Variants in NOMO2 observed in about 807,000 individuals in gnomAD.
The protein encoded by NOMO2 is BOS complex subunit NOMO2.
NOMO2 carries 14 observed loss-of-function variants against 67.1 expected under a neutral mutation model. The ratio of observed to expected loss-of-function variants is 0.21; its 90% CI spans 0.14 to 0.33. The LOEUF (loss-of-function observed/expected upper bound fraction) is 0.33. Among genes scored for constraint, NOMO2 ranks in the 10% least tolerant of loss-of-function variants. NOMO2 has a pLI of 1.00. For synonymous variants in NOMO2, 80 were observed against 305.9 expected, an observed-to-expected ratio of 0.26 and a Z score of 7.71; for missense variants, 178 against 761.0, an observed-to-expected ratio of 0.23 and a Z score of 9.01.
Position 18,538,553 on chromosome 16 carries a change from G to GGTGT in NOMO2, c.1189_1192dup (p.Pro398HisfsTer6), listed in dbSNP as rs1368013157. Reference sequence around the variant, plus strand: ...TGTTGCAACAATGTCAGCCAGCTGAGGTGTGTTCGGTGCAATTTTGATGGT... The same window carrying GGTGT: ...TGTTGCAACAATGTCAGCCAGCTGAGGTGTGTGTGTTCGGTGCAATTTTGATGGT... On this transcript the variant is annotated frameshift_variant, in exon 11 of 31. Transcript: ENST00000622306. LOFTEE classifies it high-confidence loss of function. 9 of 1,613,474 alleles carry GGTGT rather than the reference G, an allele frequency of 5.6e-6. No individual in the cohort carries two copies. The highest frequency in any genetic ancestry group is 6.8e-6 in the Non-Finnish European group (8 of 1,179,756).
intron 11 of NOMO2, chr16:18,533,818 A>C (rs1247973376): frequency 6.6e-6 from 1 of 152,324 alleles, no homozygotes; most frequent in African/African-American, 2.4e-5. Context: ...CAGATTTGAG[A>C]TTCTAAATAA....
At chr16:18,528,711 C>CT (rs1316753990) in intron 15 of NOMO2, among the ~76,000 whole-genome samples, 2 of 151,472 alleles carry the variant, frequency 1.3e-5, no homozygotes, top group Non-Finnish European at 2.9e-5. Context: ...TCCTAGCACT[C>CT]TGCGAGGCCA....
At chr16:18,547,637 G>T (rs1901682648) in intron 5 of NOMO2, among the ~76,000 whole-genome samples, 1 of 151,882 alleles carries the variant, frequency 6.6e-6, no homozygotes, top group Admixed American at 6.6e-5. Flanking sequence ...GTTTGACAGA[G>T]GTGACAGGCA....
chr16:18,557,073 G>A (rs1901923664), intron 2 of NOMO2, among the ~76,000 whole-genome samples: 1 of 151,872 alleles, frequency 6.6e-6, no homozygotes, highest in African/African-American at 2.4e-5. Context: ...GTTGGAGTGA[G>A]GCAAGATCAC....
intron 1 of NOMO2, among the ~76,000 whole-genome samples, chr16:18,560,750 G>A (rs1902019801): frequency 1.3e-5 from 2 of 151,706 alleles, no homozygotes; most frequent in South Asian, 4.2e-4. Context: ...TAGAGCAAGG[G>A]CAGGTCGCAG....
Position 18,528,992 on chromosome 16 carries a change from CATATATATATATATATATATATAT to C in NOMO2, c.1806+485_1806+508del, listed in dbSNP as rs60355905. ...CAAAAAAAAAAAAAAAAAAAAAATA[CATATATATATATATATATATATAT>C]ATATATATATATATATATATATATA... On this transcript the variant is annotated intron_variant, in intron 15 of 30. Transcript: ENST00000622306. 2.3e-3 allele frequency among the ~76,000 whole-genome samples: 28 copies of C among 12,318 alleles called. 2 individuals are homozygous for C. Among genetic ancestry groups the C allele is most frequent in the African/African-American group, 7.1e-3 (26 of 3,686 alleles). 8.1% of individuals were successfully genotyped at this position (12,318 alleles called of 152,430 possible). A position where few individuals can be genotyped will look rare whatever the true frequency, so the allele number is the denominator to read the frequency against.
rs765321940 is a variant in NOMO2, at chr16:18,533,171, A to C, written c.1229T>G (p.Val410Gly). 1 of 1,611,442 alleles carries C rather than the reference A, an allele frequency of 6.2e-7. No homozygotes were observed. The highest frequency in any genetic ancestry group is 8.5e-7 in the Non-Finnish European group (1 of 1,179,730). ...GCGAATGATTGATATCCGACCACAG[A>C]CACTGAACCTGCAAAGAGAAGACCA... ...LADIVATGFS[V>G]CGRISIIRFP... The change falls in exon 12 of 31, where the codon GTC (valine) becomes GGC (glycine). Residue 410 changes from valine to glycine, a missense_variant. Val to Gly is a moderately radical substitution (Grantham distance 109, BLOSUM62 -3). Coordinates refer to ENST00000622306, the MANE Select transcript of NOMO2 (RefSeq NM_173614.4).
At chr16:18,529,828 C>T (rs1374000004) in intron 14 of NOMO2, among the ~76,000 whole-genome samples, 191 bp from the exon 15 acceptor site, 1 of 150,922 alleles carries the variant, frequency 6.6e-6, no homozygotes, top group Admixed American at 6.6e-5. Context: ...CTAAAGAAAA[C>T]CTGGAGTCGA....
intron 3 of NOMO2, among the ~76,000 whole-genome samples, chr16:18,554,047 T>G (rs1366418370): frequency 6.6e-6 from 1 of 151,212 alleles, no homozygotes; most frequent in Non-Finnish European, 1.5e-5. Flanking sequence ...TCTTCAAAAA[T>G]GTAAACTACA....
intron 15 of NOMO2, among the ~76,000 whole-genome samples, chr16:18,528,935 T>C (rs1476114672): frequency 8.5e-6 from 1 of 118,206 alleles, no homozygotes; most frequent in Non-Finnish European, 1.7e-5. Context: ...GCCACTGCAC[T>C]CCAGCCTGGG....
At chr16:18,529,387 C>G (rs763234902) in intron 15 of NOMO2, 114 bp downstream of exon 15, 15 of 1,608,134 alleles carry the variant, frequency 9.3e-6, no homozygotes, top group Non-Finnish European at 1.2e-5. Flanking sequence ...AGTGGAGAGG[C>G]AGAAAAGGAA....
At chr16:18,520,182 A>C (rs1315720926) in intron 20 of NOMO2, among the ~76,000 whole-genome samples, 1 of 42,910 alleles carries the variant, frequency 2.3e-5, no homozygotes, top group Non-Finnish European at 4.9e-5. Flanking sequence ...TCCATTCCCC[A>C]AAAAAAGACC....
chr16:18,561,011 G>T (rs1438876362), intron 1 of NOMO2, among the ~76,000 whole-genome samples: 10 of 150,600 alleles, frequency 6.6e-5, no homozygotes, highest in Admixed American at 2.0e-4. Flanking sequence ...ATAAATCCCC[G>T]CCCAAAAATG....
intron 16 of NOMO2, among the ~76,000 whole-genome samples, chr16:18,526,722 A>T (rs1368935569): frequency 6.6e-6 from 1 of 151,956 alleles, no homozygotes; most frequent in Admixed American, 6.6e-5. Context: ...AAAATAGATC[A>T]GTGGCTGGCC....
intron 1 of NOMO2, among the ~76,000 whole-genome samples, chr16:18,559,187 A>G (rs1210462387): frequency 6.6e-6 from 1 of 152,068 alleles, no homozygotes; most frequent in East Asian, 1.9e-4. Context: ...TAAAATAAGT[A>G]AAATGGAAAA....
At chr16:18,529,857 A>G (rs1392995354) in intron 14 of NOMO2, among the ~76,000 whole-genome samples, 1 of 151,394 alleles carries the variant, frequency 6.6e-6, no homozygotes, top group Non-Finnish European at 1.5e-5. Context: ...GCTCATGCCT[A>G]TAATCCCAGC....
rs1255342679 is a variant in NOMO2, at chr16:18,552,684, A to T, written c.302-1145T>A. On this transcript the variant is annotated intron_variant, in intron 3 of 30. Coordinates refer to ENST00000622306, the MANE Select transcript of NOMO2 (RefSeq NM_173614.4). ...GAAGGGCTAAAATTAAAAAAAACTG[A>T]CGATACCAAGTGTAGGTTAGGATGT... Among the ~76,000 whole-genome samples, 4 of 151,776 alleles carry T rather than the reference A, an allele frequency of 2.6e-5. No individual in the cohort carries two copies. The South Asian group carries it at 8.3e-4, about 32-fold the overall frequency.
intron 5 of NOMO2, among the ~76,000 whole-genome samples, chr16:18,548,335 A>G (rs977146251): frequency 6.6e-6 from 1 of 151,772 alleles, no homozygotes; most frequent in African/African-American, 2.4e-5. Flanking sequence ...GAGAGGCACC[A>G]GTCAAGCAGA....
At chr16:18,520,391 C>CATCCATCA in intron 20 of NOMO2, among the ~76,000 whole-genome samples, 1 of 146,674 alleles carries the variant, frequency 6.8e-6, no homozygotes, top group Non-Finnish European at 1.5e-5. Context: ...TCCATCCATC[C>CATCCATCA]ATCCATCCAT....
Sources: allele counts gnomAD v4.1 joint callset (sites outside exome capture counted in the v4.1 genomes callset), GRCh38; gene constraint gnomAD v4.1.1; transcripts MANE v1.5; gene names NCBI Gene and HGNC (gene_info 2026-07-23, HGNC 2026-07-21).